The following PLA2G4E variants were observed in gnomAD, a reference collection of about 807,000 sequenced individuals.
The protein encoded by PLA2G4E is cytosolic phospholipase A2 epsilon.
A neutral mutation model predicts 109.1 loss-of-function variants in PLA2G4E; 84 were observed. The ratio of observed to expected loss-of-function variants is 0.77; its 90% CI spans 0.65 to 0.92. PLA2G4E has a LOEUF of 0.92. Ranked by LOEUF, PLA2G4E falls within the 40% of genes least tolerant of loss-of-function variation. The pLI is 0.00. For synonymous variants in PLA2G4E, 469 were observed against 436.1 expected, an observed-to-expected ratio of 1.08 and a Z score of -0.94; for missense variants, 1,057 against 1,076.6, an observed-to-expected ratio of 0.98 and a Z score of 0.25.
chr15:42,028,411 A>ATTTATTTC (rs1555388351), intron 1 of PLA2G4E, among the ~76,000 whole-genome samples: 2 of 146,652 alleles, frequency 1.4e-5, no homozygotes, highest in African/African-American at 5.1e-5. Context: ...TTATTTATTT[A>ATTTATTTC]TTTATTATTT....
At chr15:42,041,926 AATGATGGGG>A (rs1166158821) in intron 1 of PLA2G4E, among the ~76,000 whole-genome samples, 3 of 152,202 alleles carry the variant, frequency 2.0e-5, no homozygotes, top group African/African-American at 4.8e-5. Flanking sequence ...TCAGCAGACA[AATGATGGGG>A]GTCTGTCTCA....
At chr15:42,016,729 C>T (rs1422985872) in intron 1 of PLA2G4E, among the ~76,000 whole-genome samples, 1 of 152,234 alleles carries the variant, frequency 6.6e-6, no homozygotes, top group African/African-American at 2.4e-5. Flanking sequence ...CTCTCCTGAA[C>T]AGCTGCCTTA....
intron 10 of PLA2G4E, 90 bp downstream of exon 10, chr15:41,999,434 G>C (rs2068389263): frequency 4.3e-6 from 4 of 934,546 alleles, no homozygotes; most frequent in Non-Finnish European, 6.9e-6. Context: ...TAGCCATAGG[G>C]GAAATGCAAA....
chr15:42,039,830 T>C (rs909690982), intron 1 of PLA2G4E, among the ~76,000 whole-genome samples: 2 of 152,158 alleles, frequency 1.3e-5, no homozygotes, highest in Non-Finnish European at 1.5e-5. Flanking sequence ...ACCTTGTTCT[T>C]AAATGGGAAA....
chr15:42,008,606 C>G (rs546284234), intron 2 of PLA2G4E, among the ~76,000 whole-genome samples: 1 of 152,296 alleles, frequency 6.6e-6, no homozygotes, highest in African/African-American at 2.4e-5. Context: ...CCCCAACAAG[C>G]CCTCCCAAAA....
rs1566835458 is a variant in PLA2G4E at position 41,989,566 on chromosome 15, A to AGCAGGACGGGGGTCAGTC, written c.1586-32_1586-15dup. ...ACTCGAACCACTCTGCACATGAAGC[A>AGCAGGACGGGGGTCAGTC]GCAGGACGGGGGTCAGTCTCAGGCC... is the stretch of plus-strand genomic sequence containing the variant. On this transcript the variant is annotated splice_polypyrimidine_tract_variant and intron_variant, in intron 14 of 19. Transcript: ENST00000399518. The AGCAGGACGGGGGTCAGTC allele has an allele frequency of 2.5e-6, 4 of 1,610,786 alleles. No individual in the cohort carries two copies. In the East Asian group the frequency reaches 6.7e-5, roughly 27 times the overall value.
chr15:42,012,813 C>T (rs1033124322), intron 2 of PLA2G4E, among the ~76,000 whole-genome samples: 7 of 152,354 alleles, frequency 4.6e-5, no homozygotes, highest in South Asian at 2.1e-4. Context: ...CCTAGCCTTT[C>T]GGGATCCCTG....
exon 20 of PLA2G4E, chr15:41,983,641 T>A: frequency 1.0e-6 from 1 of 968,844 alleles, no homozygotes. Context: ...GCCAACCTGC[T>A]CACACCCATT....
chr15:42,003,005 T>C (rs796664429), intron 5 of PLA2G4E, among the ~76,000 whole-genome samples: 2 of 152,322 alleles, frequency 1.3e-5, no homozygotes, highest in African/African-American at 2.4e-5. Flanking sequence ...GAAGAATAAA[T>C]AGGTTGTAAG....
chr15:42,027,503 T>G (rs1163911354), intron 1 of PLA2G4E, among the ~76,000 whole-genome samples: 1 of 152,170 alleles, frequency 6.6e-6, no homozygotes, highest in Non-Finnish European at 1.5e-5. Flanking sequence ...TCCACTTAAC[T>G]CCTATATTGC....
At chr15:41,992,934 G>A in exon 13 of PLA2G4E, 1 of 1,613,338 alleles carries the variant, frequency 6.2e-7, no homozygotes, top group Non-Finnish European at 8.5e-7. Context: ...GACCAGTCAG[G>A]GTCACGGTAC....
At chr15:42,047,933 G>A (rs1382309472) in intron 1 of PLA2G4E, among the ~76,000 whole-genome samples, 1 of 152,136 alleles carries the variant, frequency 6.6e-6, no homozygotes, top group Non-Finnish European at 1.5e-5. Context: ...CGAAGTTTAG[G>A]TAGCAAGATA....
intron 1 of PLA2G4E, among the ~76,000 whole-genome samples, chr15:42,030,261 C>T (rs974184237): frequency 1.3e-5 from 2 of 152,122 alleles, no homozygotes; most frequent in Admixed American, 1.3e-4. Flanking sequence ...AGAGAGGAAA[C>T]CCTGCTCCTA....
At chr15:42,005,903 G>A in intron 4 of PLA2G4E, 87 bp downstream of exon 4, 2 of 1,474,748 alleles carry the variant, frequency 1.4e-6, no homozygotes, top group South Asian at 2.5e-5. Context: ...ACACAGAGAA[G>A]ACCCTGGGGA....
exon 2 of PLA2G4E, chr15:42,013,745 G>A (rs2068561379): frequency 6.4e-7 from 1 of 1,550,508 alleles, no homozygotes; most frequent in African/African-American, 1.4e-5. Context: ...AGGTGGCATG[G>A]AGACAGCCCC....
chr15:42,038,557 G>A (rs1365426419), intron 1 of PLA2G4E, among the ~76,000 whole-genome samples: 3 of 152,160 alleles, frequency 2.0e-5, no homozygotes, highest in African/African-American at 4.8e-5. Context: ...AGGATCTAAC[G>A]GCATTGCTGA....
At chr15:42,010,216 C>A (rs778181332) in intron 2 of PLA2G4E, 1 of 518,196 alleles carries the variant, frequency 1.9e-6, no homozygotes, top group Non-Finnish European at 3.9e-6. Context: ...CAGCTCTATA[C>A]CTACTGGTTC....
exon 19 of PLA2G4E, chr15:41,984,528 C>T (rs1777515760): frequency 6.2e-7 from 1 of 1,613,924 alleles, no homozygotes; most frequent in Non-Finnish European, 8.5e-7. Flanking sequence ...CATCAGGTAG[C>T]ATTCCTTGAG....
intron 1 of PLA2G4E, among the ~76,000 whole-genome samples, chr15:42,029,643 C>T (rs1889079631): frequency 6.6e-6 from 1 of 152,044 alleles, no homozygotes; most frequent in African/African-American, 2.4e-5. Context: ...CTTTAATAGA[C>T]CTGGGTTTGT....
Sources: gnomAD v4.1 joint callset for allele counts (sites outside exome capture counted in the v4.1 genomes callset) on GRCh38, gnomAD v4.1.1 for gene constraint, MANE v1.5 for transcripts, NCBI Gene and HGNC (gene_info 2026-07-23, HGNC 2026-07-21) for gene names.